The following PPP6R2 variants were observed in gnomAD, a reference collection of about 807,000 sequenced individuals.
PPP6R2 encodes serine/threonine-protein phosphatase 6 regulatory subunit 2.
Under a neutral mutation model 100.2 loss-of-function variants are expected in PPP6R2, and 62 were observed. The ratio of observed to expected loss-of-function variants is 0.62; its 90% CI spans 0.50 to 0.76. The LOEUF (loss-of-function observed/expected upper bound fraction) is 0.76, where lower values mean the gene tolerates loss of function less well. PPP6R2 is among the 30% of genes least tolerant of loss of function. The pLI, the probability that PPP6R2 is intolerant of heterozygous loss-of-function variation, is 0.00. For missense variants in PPP6R2, 1,142 were observed against 1,276.3 expected (o/e 0.89, Z 1.60); for synonymous variants, 525 against 514.7 (o/e 1.02, Z -0.27).
At chr22:50,351,837 A>G (rs1213994484) in intron 1 of PPP6R2, among the ~76,000 whole-genome samples, 7 of 151,584 alleles carry the variant, frequency 4.6e-5, no homozygotes, top group Non-Finnish European at 1.0e-4. Flanking sequence ...TCTGTCACCC[A>G]GTCTGGAGTG....
intron 1 of PPP6R2, among the ~76,000 whole-genome samples, chr22:50,352,202 A>G (rs1384660622): frequency 6.6e-6 from 1 of 152,054 alleles, no homozygotes; most frequent in African/African-American, 2.4e-5. Context: ...CGGCCTCCCA[A>G]AGTGCTGGGA....
intron 2 of PPP6R2, among the ~76,000 whole-genome samples, chr22:50,383,353 A>C (rs2148704769): frequency 6.6e-6 from 1 of 152,274 alleles, no homozygotes; most frequent in Middle Eastern, 3.4e-3. Context: ...TCCTTTTGGA[A>C]GTCTTATTCT....
In PPP6R2 at chr22:50,414,542, G is replaced by A; in HGVS notation, c.415-10G>A. ...GGCCCCGCCTGCCTCTCAGGTGTGT[G>A]TGATTTCAGGTGATTACGTTTTTGA... is the stretch of plus-strand genomic sequence containing the variant. On this transcript the variant is annotated splice_polypyrimidine_tract_variant and intron_variant, in intron 4 of 23. Coordinates refer to ENST00000612753, the MANE Select transcript of PPP6R2 (RefSeq NM_001242898.2). The A allele has an allele frequency of 1.2e-6, 2 of 1,613,944 alleles. No individual in the cohort carries two copies. Among genetic ancestry groups the A allele is most frequent in the Non-Finnish European group, 1.7e-6 (2 of 1,179,862 alleles).
intron 2 of PPP6R2, among the ~76,000 whole-genome samples, chr22:50,376,612 C>T (rs773535751): frequency 8.6e-5 from 13 of 151,728 alleles, no homozygotes; most frequent in Admixed American, 4.0e-4. Flanking sequence ...TTTGTAAAAA[C>T]AGGTTTTTGC....
upstream of PPP6R2, among the ~76,000 whole-genome samples, chr22:50,341,258 T>G (rs997015578): frequency 3.3e-5 from 5 of 151,832 alleles, no homozygotes; most frequent in Non-Finnish European, 7.4e-5. Flanking sequence ...CGGGCTGGAA[T>G]GAAGTGGCAA....
chr22:50,336,040 A>G, the PPP6R2 span, among the ~76,000 whole-genome samples: 1 of 150,652 alleles, frequency 6.6e-6, no homozygotes, highest in African/African-American at 2.5e-5. Context: ...GCTGGAGTGC[A>G]GTGACACAAT....
intron 2 of PPP6R2, among the ~76,000 whole-genome samples, chr22:50,386,984 C>T (rs569992488): frequency 1.3e-5 from 2 of 152,244 alleles, no homozygotes; most frequent in African/African-American, 4.8e-5. Flanking sequence ...CCTATCTGTC[C>T]TGCTCTTCCG....
intron 3 of PPP6R2, 132 bp from the exon 4 acceptor site, chr22:50,406,557 G>A: frequency 1.2e-6 from 1 of 806,878 alleles, no homozygotes; most frequent in Non-Finnish European, 2.0e-6. Context: ...TCACGTTTTT[G>A]TTCTGTTCTG....
intron 1 of PPP6R2, among the ~76,000 whole-genome samples, chr22:50,370,579 G>A (rs557630947): frequency 8.1e-4 from 121 of 148,872 alleles, no homozygotes; most frequent in African/African-American, 2.5e-3. Context: ...GAGCCACCAC[G>A]CCTGGCCACG....
At chr22:50,361,683 C>T (rs1353025313) in intron 1 of PPP6R2, among the ~76,000 whole-genome samples, 1 of 151,968 alleles carries the variant, frequency 6.6e-6, no homozygotes, top group East Asian at 1.9e-4. Flanking sequence ...TTCCTTTGAC[C>T]CAGGACCCAG....
In PPP6R2 at chr22:50,444,396, G is replaced by A; in HGVS notation, c.*149G>A. 1 of 1,084,844 alleles carries A rather than the reference G, an allele frequency of 9.2e-7. No individual in the cohort carries two copies. Among genetic ancestry groups the A allele is most frequent in the Non-Finnish European group, 1.3e-6 (1 of 758,702 alleles). The allele number at this position is 1,084,844 out of a possible 1,614,324, so 67.2% of individuals were successfully genotyped here. On this transcript the variant is annotated 3_prime_UTR_variant, in exon 24 of 24. Coordinates refer to ENST00000612753, the MANE Select transcript of PPP6R2 (RefSeq NM_001242898.2). ...TAAAGCTGGCAGTTGAAACCAGTTG[G>A]ACGGCCCAGCTTGCGTCTCTTCTGC...
intron 8 of PPP6R2, 119 bp downstream of exon 8, chr22:50,419,581 C>G (rs2061023380): frequency 2.8e-6 from 2 of 711,438 alleles, no homozygotes; most frequent in African/African-American, 1.8e-5. Context: ...ATGCAAGTAA[C>G]AACATGGATA....
At chr22:50,358,886 T>G (rs544824051) in intron 1 of PPP6R2, among the ~76,000 whole-genome samples, 2 of 152,248 alleles carry the variant, frequency 1.3e-5, no homozygotes, top group South Asian at 4.1e-4. Flanking sequence ...TTATTTCTGT[T>G]TTTTCTGTTC....
chr22:50,433,174 G>A (rs1327231531), intron 12 of PPP6R2, among the ~76,000 whole-genome samples: 6 of 151,788 alleles, frequency 4.0e-5, no homozygotes, highest in South Asian at 2.1e-4. Context: ...CAGGGGGCGC[G>A]GACACTGGGC....
intron 1 of PPP6R2, among the ~76,000 whole-genome samples, chr22:50,354,895 C>G (rs1040039659): frequency 1.5e-5 from 2 of 136,088 alleles, no homozygotes; most frequent in Admixed American, 7.8e-5. Flanking sequence ...TTGAGACAGT[C>G]TCATTCTGTG....
intron 4 of PPP6R2, among the ~76,000 whole-genome samples, chr22:50,413,038 G>A (rs974441615): frequency 1.4e-5 from 2 of 147,206 alleles, no homozygotes; most frequent in Non-Finnish European, 3.0e-5. Context: ...TTGGCTTACC[G>A]CAATCTCCGC....
intron 10 of PPP6R2, among the ~76,000 whole-genome samples, chr22:50,424,513 G>A (rs2061792504): frequency 6.6e-6 from 1 of 151,322 alleles, no homozygotes; most frequent in Admixed American, 6.6e-5. Context: ...TGGAAGGTCT[G>A]TCCGCGTGTG....
At chr22:50,373,398 C>T (rs148491370) in intron 2 of PPP6R2, among the ~76,000 whole-genome samples, 72 of 151,406 alleles carry the variant, frequency 4.8e-4, no homozygotes, top group African/African-American at 1.6e-3. Context: ...CCCGCCAGCA[C>T]GCCCGGCTAA....
intron 2 of PPP6R2, among the ~76,000 whole-genome samples, chr22:50,377,995 C>T (rs994629158): frequency 1.2e-4 from 18 of 151,780 alleles, no homozygotes; most frequent in South Asian, 4.2e-4. Context: ...AGCAAGACTC[C>T]GTCTCAAAAT....
Sources: gnomAD v4.1 joint callset for allele counts (sites outside exome capture counted in the v4.1 genomes callset) on GRCh38, gnomAD v4.1.1 for gene constraint, MANE v1.5 for transcripts, NCBI Gene and HGNC (gene_info 2026-07-23, HGNC 2026-07-21) for gene names.